Variants in CACNA1I observed in about 807,000 individuals in gnomAD.
CACNA1I encodes calcium voltage-gated channel subunit alpha1 I, also known as voltage-dependent T-type calcium channel subunit alpha-1I.
Under a neutral mutation model 201.6 loss-of-function variants are expected in CACNA1I, and 74 were observed. That is an observed-to-expected ratio of 0.37 (90% CI 0.30 to 0.45). The LOEUF (loss-of-function observed/expected upper bound fraction) is 0.45. Among genes scored for constraint, CACNA1I ranks in the 20% least tolerant of loss-of-function variants. The probability of loss-of-function intolerance (pLI) is 1.00; values close to 1 mark genes in which losing one functional copy is unlikely to be tolerated. For missense variants in CACNA1I, 2,346 were observed against 3,138.1 expected (o/e 0.75, Z 6.03); for synonymous variants, 1,431 against 1,345.2 (o/e 1.06, Z -1.40).
intron 5 of CACNA1I, among the ~76,000 whole-genome samples, chr22:39,635,346 G>T (rs183609551): frequency 6.6e-6 from 1 of 151,928 alleles, no homozygotes; most frequent in Non-Finnish European, 1.5e-5. Flanking sequence ...AGAAGGGGGG[G>T]GGTCCCTGCC....
At chr22:39,584,241 C>T (rs772355213) in intron 1 of CACNA1I, among the ~76,000 whole-genome samples, 7 of 151,964 alleles carry the variant, frequency 4.6e-5, no homozygotes, top group East Asian at 1.9e-4. Flanking sequence ...GACAGATCTC[C>T]GAGATAGATG....
intron 11 of CACNA1I, 84 bp downstream of exon 11, chr22:39,658,387 T>C: frequency 3.0e-6 from 4 of 1,320,768 alleles, no homozygotes; most frequent in Non-Finnish European, 3.2e-6. Flanking sequence ...ATAAAGGACA[T>C]AAGATGGCTG....
chr22:39,570,996 C>G lies in CACNA1I; in HGVS notation c.236+8C>G. ...CAAGATGGTGTGCAACCCATATCCT[C>G]CGCAGCCTCGGCTGATCGGGGCCCT... On this transcript the variant is annotated splice_region_variant and intron_variant, in intron 1 of 36. Transcript: ENST00000402142. 1 of 1,610,702 alleles carries G rather than the reference C, an allele frequency of 6.2e-7. No homozygotes were observed. The highest frequency in any genetic ancestry group is 1.7e-5 in the Admixed American group (1 of 60,004).
chr22:39,680,186 T>C (rs560168418), intron 33 of CACNA1I, among the ~76,000 whole-genome samples: 1 of 152,226 alleles, frequency 6.6e-6, no homozygotes, highest in African/African-American at 2.4e-5. Context: ...CAGCTTGCCC[T>C]TTCTGTGACA....
In CACNA1I at chr22:39,681,038, C is replaced by G; in HGVS notation, c.5650C>G (p.Arg1884Gly). 6.2e-7 allele frequency: 1 copy of G among 1,609,816 alleles called. No individual in the cohort carries two copies. Among genetic ancestry groups the G allele is most frequent in the Non-Finnish European group, 8.5e-7 (1 of 1,178,982 alleles). ...GGACCCCACAGCCTGCCCACCTGGCCGCAAAGACAGCAAGGTCAGCTCCCC... is the reference window on the plus strand; with the variant it reads ...GGACCCCACAGCCTGCCCACCTGGCGGCAAAGACAGCAAGGTCAGCTCCCC... ...LEDPTACPPG[R>G]KDSKGELDPP... The change falls in exon 34 of 37, where the codon CGC becomes GGC. Residue 1884 changes from arginine to glycine, a missense_variant. Coordinates refer to ENST00000402142, the MANE Select transcript of CACNA1I (RefSeq NM_021096.4).
intron 1 of CACNA1I, among the ~76,000 whole-genome samples, chr22:39,596,991 C>A (rs1342678496): frequency 6.6e-6 from 1 of 152,188 alleles, no homozygotes; most frequent in Non-Finnish European, 1.5e-5. Flanking sequence ...TCTCCTCTTA[C>A]AGAAGGAGAA....
At position 39,679,767 on chromosome 22, in the gene CACNA1I, T is replaced by C; in HGVS notation, c.5440T>C (p.Leu1814=). The change falls in exon 33 of 37, where the codon TTG becomes CTG. Residue 1814 remains leucine (L), a synonymous_variant. Coordinates refer to ENST00000402142, the MANE Select transcript of CACNA1I (RefSeq NM_021096.4). The part of the protein sequence containing the change: ...DSVSLIIKDS[L]EGELTIIDNL... ...CGTCTCTTTAATCATCAAGGACTCC[T>C]TGGAGGGGGAGCTGACCATCATCGA... 6.2e-7 allele frequency: 1 copy of C among 1,612,880 alleles called. No individual in the cohort carries two copies.
At chr22:39,587,065 C>T (rs942385245) in intron 1 of CACNA1I, among the ~76,000 whole-genome samples, 1 of 152,216 alleles carries the variant, frequency 6.6e-6, no homozygotes, top group Admixed American at 6.5e-5. Flanking sequence ...CTGGAGCATC[C>T]TTCCTGTGGA....
At position 39,592,638 on chromosome 22, in the gene CACNA1I, C is replaced by T. The variant is rs567888425; in HGVS notation, c.237-5513C>T. ...AGAGGCAGTTGGGAGCCATTGAAGA[C>T]GTCCTGCCGTCGTGGCACTAGCACT... On this transcript the variant is annotated intron_variant, in intron 1 of 36. Transcript: ENST00000402142. Among the ~76,000 whole-genome samples, 6 of 152,326 alleles carry T rather than the reference C, an allele frequency of 3.9e-5. No individual in the cohort carries two copies. In the South Asian group the frequency reaches 6.2e-4, roughly 16 times the overall value.
chr22:39,649,950 G>A lies in CACNA1I; in HGVS notation c.1992+25G>A, dbSNP rs1601495283. 1.2e-6 allele frequency: 2 copies of A among 1,611,920 alleles called. No individual in the cohort carries two copies. Among genetic ancestry groups the A allele is most frequent in the Non-Finnish European group, 1.7e-6 (2 of 1,179,160 alleles). ...GGCCAGTGCAGCGCAGCCGGGCCGG[G>A]CCTGCGGGAGAGGTGTGAGGGCCCC... On this transcript the variant is annotated intron_variant, in intron 10 of 36. Transcript: ENST00000402142. The surrounding 1 kb of genome is among the most constrained non-coding windows in gnomAD (Gnocchi z 7.3).
intron 25 of CACNA1I, 73 bp from the exon 26 acceptor site, chr22:39,670,730 C>G: frequency 6.8e-7 from 1 of 1,462,986 alleles, no homozygotes; most frequent in Non-Finnish European, 9.6e-7. Flanking sequence ...CCTTTCTGTC[C>G]TTTGTGCTCT....
At position 39,587,765 on chromosome 22, in the gene CACNA1I, T is replaced by G. The variant is rs192661358; in HGVS notation, c.237-10386T>G. 260 of 445,072 alleles carry G rather than the reference T, an allele frequency of 5.8e-4. 6 individuals carry two copies. The highest frequency in any genetic ancestry group is 2.5e-3 in the South Asian group (156 of 62,266). 27.6% of individuals were successfully genotyped at this position (445,072 alleles called of 1,614,324 possible). ...CAGGTGCCTGTGGTTTATTTTATTT[T>G]ATTTGATTTATAATTATTATTATTT... On this transcript the variant is annotated intron_variant, in intron 1 of 36. Coordinates refer to ENST00000402142, the MANE Select transcript of CACNA1I (RefSeq NM_021096.4).
chr22:39,685,430 G>A lies in CACNA1I; in HGVS notation c.6028-331G>A, dbSNP rs867339959. ...AGGCTGGGGCCGCGTCAGACCATGG[G>A]GGGTGCGGTGGGGGTGCCACGTGCC... On this transcript the variant is annotated intron_variant, in intron 36 of 36. Coordinates refer to ENST00000402142, the MANE Select transcript of CACNA1I (RefSeq NM_021096.4). The surrounding 1 kb of genome is among the most constrained non-coding windows in gnomAD (Gnocchi z 5.0). 1.3e-5 allele frequency among the ~76,000 whole-genome samples: 2 copies of A among 151,578 alleles called. No homozygotes were observed. The highest frequency in any genetic ancestry group is 3.0e-5 in the Non-Finnish European group (2 of 67,766).
chr22:39,591,134 G>A (rs1285289627), intron 1 of CACNA1I, among the ~76,000 whole-genome samples: 2 of 148,850 alleles, frequency 1.3e-5, no homozygotes, highest in African/African-American at 5.0e-5. Context: ...TTACAGATGT[G>A]AGCCACTGCA....
rs1935853417 is a variant in CACNA1I at position 39,685,964 on chromosome 22, G to A, written c.6231G>A (p.Leu2077=). 1.6e-6 allele frequency: 2 copies of A among 1,258,594 alleles called. No homozygotes were observed. Among genetic ancestry groups the A allele is most frequent in the South Asian group, 6.7e-5 (2 of 29,944 alleles). 78.0% of individuals were successfully genotyped at this position (1,258,594 alleles called of 1,614,324 possible). Residue 2077 remains leucine, a synonymous_variant, in exon 37 of 37, where the codon CTG becomes CTA. Coordinates refer to ENST00000402142, the MANE Select transcript of CACNA1I (RefSeq NM_021096.4). The surrounding 1 kb of genome is among the most constrained non-coding windows in gnomAD (Gnocchi z 5.0). The stretch of plus-strand genomic sequence containing the variant: ...TGCGCGGCCGGGGCCTCTTCAGCCT[G>A]CGGGGGCTGCGGGCGCATCAGCGCA... ...LSLRGRGLFS[L]RGLRAHQRSH...
rs1039463104 is a variant in CACNA1I, at chr22:39,679,413, G to A, written c.5362G>A (p.Gly1788Ser). 4.9e-6 allele frequency: 7 copies of A among 1,434,550 alleles called. No homozygotes were observed. Among genetic ancestry groups the A allele is most frequent in the Non-Finnish European group, 5.4e-6 (6 of 1,107,020 alleles). 88.9% of individuals were successfully genotyped at this position (1,434,550 alleles called of 1,614,324 possible). ...GGGCGGCGGGGGCGACACCGAGGGCGGCTTGTGCCGGCGCTGCTACTCGCC... is the reference window on the plus strand; with the variant it reads ...GGGCGGCGGGGGCGACACCGAGGGCAGCTTGTGCCGGCGCTGCTACTCGCC... The part of the protein sequence containing the change: ...GAGGGGDTEG[G>S]LCRRCYSPAQ... The change falls in exon 32 of 37, where the codon GGC (glycine) becomes AGC (serine). Residue 1788 changes from glycine (G) to serine (S), a missense_variant. This residue lies in a region of CACNA1I where 441 missense variants were observed against 555.6 expected (regional missense o/e 0.79). Coordinates refer to ENST00000402142, the MANE Select transcript of CACNA1I (RefSeq NM_021096.4).
At position 39,686,167 on chromosome 22, in the gene CACNA1I, C is replaced by G; in HGVS notation, c.6434C>G (p.Pro2145Arg). The G allele has an allele frequency of 7.7e-7, 1 of 1,290,706 alleles. No homozygotes were observed. Among genetic ancestry groups the G allele is most frequent in the Non-Finnish European group, 9.8e-7 (1 of 1,019,288 alleles). The allele number at this position is 1,290,706 out of a possible 1,614,324, so 80.0% of individuals were successfully genotyped here. A position where few individuals can be genotyped will look rare whatever the true frequency, so the allele number is the denominator to read the frequency against. ...TGCCCGCCGCCCCCGCCGCCAGCCCCCGGCCTCACGCCCGCCAGGAAGTTC... is the reference window on the plus strand; with the variant it reads ...TGCCCGCCGCCCCCGCCGCCAGCCCGCGGCCTCACGCCCGCCAGGAAGTTC... ...LFCPPPPPPA[P>R]GLTPARKFSS... Residue 2145 changes from proline to arginine, a missense_variant, in exon 37 of 37, where the codon CCC (proline) becomes CGC (arginine). By Grantham distance (103) the Pro-to-Arg change is moderately radical. Coordinates refer to ENST00000402142, the MANE Select transcript of CACNA1I (RefSeq NM_021096.4).
In CACNA1I at chr22:39,684,697, G is replaced by C. The variant is rs1935806689; in HGVS notation, c.6027+199G>C. On this transcript the variant is annotated intron_variant, in intron 36 of 36. Coordinates refer to ENST00000402142, the MANE Select transcript of CACNA1I (RefSeq NM_021096.4). The surrounding 1 kb of genome is among the most constrained non-coding windows in gnomAD (Gnocchi z 4.6). Reference sequence around the variant, plus strand: ...GGCACTGGGGCGGATGGAGTGGGCGGGGCTGGGTCCTGGGGACAGCAGAGT... The same window carrying C: ...GGCACTGGGGCGGATGGAGTGGGCGCGGCTGGGTCCTGGGGACAGCAGAGT... The C allele has an allele frequency of 1.6e-6, 1 of 637,572 alleles. No homozygotes were observed. Among genetic ancestry groups the C allele is most frequent in the Non-Finnish European group, 2.8e-6 (1 of 362,636 alleles). 39.5% of individuals were successfully genotyped at this position (637,572 alleles called of 1,614,324 possible).
intron 26 of CACNA1I, 37 bp downstream of exon 26, chr22:39,670,991 G>T: frequency 1.2e-6 from 2 of 1,608,390 alleles, no homozygotes; most frequent in Non-Finnish European, 1.7e-6. Context: ...AAGGTTACAA[G>T]GTGAGGGTGG....
Sources: gnomAD v4.1 joint callset for allele counts (sites outside exome capture counted in the v4.1 genomes callset) on GRCh38, gnomAD v4.1.1 for gene constraint, gnomAD v4.1.1 regional missense constraint, Gnocchi (gnomAD v3.1) non-coding constraint, MANE v1.5 for transcripts, NCBI Gene and HGNC (gene_info 2026-07-23, HGNC 2026-07-21) for gene names.